TTC9B: variants seen among roughly 807,000 people sequenced by gnomAD.
The protein encoded by TTC9B is tetratricopeptide repeat domain 9B.
In TTC9B, 12 loss-of-function variants were observed where a neutral mutation model predicts 19.4. The ratio of observed to expected loss-of-function variants is 0.62; its 90% CI spans 0.40 to 1.00. The LOEUF (loss-of-function observed/expected upper bound fraction) is 1.00. TTC9B is among the 50% of genes least tolerant of loss of function. The pLI is 0.00. For synonymous variants in TTC9B, 156 were observed against 158.6 expected (o/e 0.98, Z 0.12); for missense variants, 316 against 345.2 (o/e 0.92, Z 0.67).
At position 40,218,030 on chromosome 19, in the gene TTC9B, C is replaced by T. The variant is rs902887295; in HGVS notation, c.352G>A (p.Gly118Arg). The change falls in exon 1 of 3, where the codon GGG becomes AGG. Residue 118 changes from glycine (G) to arginine (R), a missense_variant. Coordinates refer to ENST00000311308, the MANE Select transcript of TTC9B (RefSeq NM_152479.6). This position sits in a 1 kb window ranked among gnomAD's most constrained non-coding sequence, Gnocchi z 4.2. ...APAPGPTSSP[G>R]PARLSEEQRR... ...TGCTCCTCGCTGAGGCGCGCCGGCCCGGGGCTGCTGGTGGGCCCGGGGGCG... is the reference window on the plus strand; with the variant it reads ...TGCTCCTCGCTGAGGCGCGCCGGCCTGGGGCTGCTGGTGGGCCCGGGGGCG... 6.7e-7 allele frequency: 1 copy of T among 1,485,542 alleles called. No homozygotes were observed. The highest frequency in any genetic ancestry group is 2.9e-5 in the East Asian group (1 of 34,000). 92.0% of individuals were successfully genotyped at this position (1,485,542 alleles called of 1,614,324 possible).
In TTC9B at chr19:40,216,241, A is replaced by G. The variant is rs770996334; in HGVS notation, c.642T>C (p.Thr214=). The change falls in exon 3 of 3, where the codon ACT becomes ACC. Residue 214 remains threonine, a synonymous_variant. Coordinates refer to ENST00000311308, the MANE Select transcript of TTC9B (RefSeq NM_152479.6). ...GGCTGCAACGATTCATCTTCAGCTGAGTCAGCTGGATGTAGCGGAGCACAT... is the reference window on the plus strand; with the variant it reads ...GGCTGCAACGATTCATCTTCAGCTGGGTCAGCTGGATGTAGCGGAGCACAT... ...DTNVLRYIQL[T]QLKMNRCSLQ... is the part of the protein sequence containing the mutation. The G allele has an allele frequency of 1.9e-6, 3 of 1,614,170 alleles. No individual in the cohort carries two copies. The highest frequency in any genetic ancestry group is 2.5e-6 in the Non-Finnish European group (3 of 1,180,022).
chr19:40,217,909 T>TTCCC, intron 1 of TTC9B, 46 bp downstream of exon 1: 1 of 1,353,026 alleles, frequency 7.4e-7, no homozygotes. Context: ...CTCTCCCGAT[T>TTCCC]GCCCCCTCCC....
chr19:40,216,963 G>A, intron 2 of TTC9B: 2 of 594,822 alleles, frequency 3.4e-6, no homozygotes, highest in Non-Finnish European at 6.0e-6. Flanking sequence ...GATGTCAGAG[G>A]AGCGATAGGT....
intron 1 of TTC9B, 30 bp downstream of exon 1, chr19:40,217,925 G>GGCCC: frequency 3.1e-6 from 4 of 1,285,382 alleles, no homozygotes; most frequent in Non-Finnish European, 4.1e-6. Flanking sequence ...CTCCCCTCGT[G>GGCCC]CCCCATCCCC....
In TTC9B at chr19:40,217,314, G is replaced by A. The variant is rs1973381783; in HGVS notation, c.483C>T (p.Leu161=). Residue 161 remains leucine, a synonymous_variant, in exon 2 of 3, where the codon CTC becomes CTT. Transcript: ENST00000311308. ...VNYERVREYC[L]KVLEKQQGNF... is the part of the protein sequence containing the mutation. ...TGCCCTGCTGCTTCTCCAGTACCTT[G>A]AGACAGTACTCGCGCACGCGCTCGT... The A allele has an allele frequency of 2.5e-6, 4 of 1,614,030 alleles. No homozygotes were observed. Among genetic ancestry groups the A allele is most frequent in the Middle Eastern group, 1.7e-4 (1 of 6,060 alleles).
At chr19:40,216,615 C>T (rs759698145) in intron 2 of TTC9B, 7 of 362,236 alleles carry the variant, frequency 1.9e-5, no homozygotes, top group Non-Finnish European at 3.1e-5. Flanking sequence ...TCCCACAACC[C>T]TGCACCTGTT....
At position 40,217,948 on chromosome 19, in the gene TTC9B, G is replaced by T; in HGVS notation, c.427+7C>A. 1 of 864,274 alleles carries T rather than the reference G, an allele frequency of 1.2e-6. No individual in the cohort carries two copies. The highest frequency in any genetic ancestry group is 1.5e-6 in the Non-Finnish European group (1 of 655,102). The allele number at this position is 864,274 out of a possible 1,614,324, so 53.5% of individuals were successfully genotyped here. A position where few individuals can be genotyped will look rare whatever the true frequency, so the allele number is the denominator to read the frequency against. On this transcript the variant is annotated splice_region_variant and intron_variant, in intron 1 of 2. Coordinates refer to ENST00000311308, the MANE Select transcript of TTC9B (RefSeq NM_152479.6). ...GTGCCCCATCCCCCCACCCCCCGACGGCGTACCCGTGAGGGAGTCGTAACA... is the reference window on the plus strand; with the variant it reads ...GTGCCCCATCCCCCCACCCCCCGACTGCGTACCCGTGAGGGAGTCGTAACA...
At chr19:40,217,406 C>CTGGCA in intron 1 of TTC9B, 37 bp from the exon 2 acceptor site, 1 of 1,598,250 alleles carries the variant, frequency 6.3e-7, no homozygotes, top group South Asian at 1.1e-5. Flanking sequence ...TCAGAGCCTG[C>CTGGCA]TGGCACCCCC....
At chr19:40,217,453 C>G (rs909839960) in intron 1 of TTC9B, 84 bp from the exon 2 acceptor site, 1 of 1,505,954 alleles carries the variant, frequency 6.6e-7, no homozygotes, top group East Asian at 2.3e-5. Flanking sequence ...AGGCTCCAGG[C>G]GGCAGGGAAC....
chr19:40,218,064 C>A lies in TTC9B; in HGVS notation c.318G>T (p.Leu106=). 1 of 1,527,278 alleles carries A rather than the reference C, an allele frequency of 6.5e-7. No homozygotes were observed. The highest frequency in any genetic ancestry group is 2.1e-5 in the Admixed American group (1 of 47,132). 94.6% of individuals were successfully genotyped at this position (1,527,278 alleles called of 1,614,324 possible). A position where few individuals can be genotyped will look rare whatever the true frequency, so the allele number is the denominator to read the frequency against. ...TGGTGGGCCCGGGGGCGGGGGCGGG[C>A]AGGCCGCTAGGGCGGGCCCCCTGCG... is the stretch of plus-strand genomic sequence containing the variant. ...KAAQGARPSG[L]PAPAPGPTSS... is the part of the protein sequence containing the mutation. The change falls in exon 1 of 3, where the codon CTG becomes CTT. Residue 106 remains leucine, a synonymous_variant. Coordinates refer to ENST00000311308, the MANE Select transcript of TTC9B (RefSeq NM_152479.6). This position sits in a 1 kb window ranked among gnomAD's most constrained non-coding sequence, Gnocchi z 4.2.
Position 40,216,341 on chromosome 19 carries a change from GCTCACACCCCATT to G in TTC9B, c.611-82_611-70del, listed in dbSNP as rs1268171214. On this transcript the variant is annotated intron_variant, in intron 2 of 2. Coordinates refer to ENST00000311308, the MANE Select transcript of TTC9B (RefSeq NM_152479.6). The stretch of plus-strand genomic sequence containing the variant: ...AGCAGGTGACTTCCACACCTCCCTG[GCTCACACCCCATT>G]CTCCGAAGTATCCAGCAGCTCGCTC... 6 of 1,169,584 alleles carry G rather than the reference GCTCACACCCCATT, an allele frequency of 5.1e-6. No homozygotes were observed. In the Admixed American group the frequency reaches 1.0e-4, roughly 20 times the overall value. 72.5% of individuals were successfully genotyped at this position (1,169,584 alleles called of 1,614,324 possible).
chr19:40,217,761 T>G, intron 1 of TTC9B, 194 bp downstream of exon 1: 1 of 560,502 alleles, frequency 1.8e-6, no homozygotes, highest in Non-Finnish European at 3.0e-6. Flanking sequence ...ATTTCCTGCA[T>G]CCCAGCTCCC....
At chr19:40,216,913 T>C (rs1210765739) in intron 2 of TTC9B, 1 of 569,720 alleles carries the variant, frequency 1.8e-6, no homozygotes, top group Admixed American at 3.0e-5. Flanking sequence ...ATAGGAGATA[T>C]CAGATGTGGC....
chr19:40,217,705 G>A (rs557326767), intron 1 of TTC9B: 59 of 518,602 alleles, frequency 1.1e-4, no homozygotes, highest in African/African-American at 9.8e-4. Flanking sequence ...GGGGTGGAAA[G>A]AATGACTCAG....
chr19:40,217,074 C>T, intron 2 of TTC9B, 113 bp downstream of exon 2: 3 of 1,250,046 alleles, frequency 2.4e-6, no homozygotes, highest in East Asian at 2.6e-5. Flanking sequence ...GAAGCAGCTC[C>T]GCGGGAGGAG....
rs750856266 is a variant in TTC9B, at chr19:40,218,295, C to G, written c.87G>C (p.Pro29=). ...GGGAGCCCGAGCCTGGGCCCGAGCC[C>G]GGTGGGGAGAGGGCGGGAGGCGGGC... ...PPRPPPALSP[P]GSGPGSGSRH... Residue 29 remains proline, a synonymous_variant, in exon 1 of 3, where the codon CCG becomes CCC. Coordinates refer to ENST00000311308, the MANE Select transcript of TTC9B (RefSeq NM_152479.6). The surrounding 1 kb of genome is among the most constrained non-coding windows in gnomAD (Gnocchi z 4.2). The G allele has an allele frequency of 2.8e-6, 4 of 1,411,630 alleles. No homozygotes were observed. Among genetic ancestry groups the G allele is most frequent in the African/African-American group, 3.0e-5 (2 of 66,454 alleles). 87.4% of individuals were successfully genotyped at this position (1,411,630 alleles called of 1,614,324 possible).
chr19:40,216,355 C>T (rs1973366748), intron 2 of TTC9B, 83 bp from the exon 3 acceptor site: 3 of 1,018,352 alleles, frequency 2.9e-6, no homozygotes, highest in African/African-American at 1.6e-5. Context: ...ACACCCCATT[C>T]TCCGAAGTAT....
In TTC9B at chr19:40,217,270, C is replaced by T; in HGVS notation, c.527G>A (p.Arg176His). Residue 176 changes from arginine to histidine, a missense_variant, in exon 2 of 3, where the codon CGT (arginine) becomes CAT (histidine). Physicochemically the swap from Arg to His is conservative, Grantham distance 29. Transcript: ENST00000311308. ...KQQGNFKATY[R>H]AGIAFYHLGD... ...CAGGTGGTAGAAGGCAATGCCGGCA[C>T]GGTAGGTGGCCTTGAAGTTGCCCTG... 6.2e-7 allele frequency: 1 copy of T among 1,614,064 alleles called. No homozygotes were observed. The highest frequency in any genetic ancestry group is 8.5e-7 in the Non-Finnish European group (1 of 1,179,948).
intron 2 of TTC9B, 43 bp downstream of exon 2, chr19:40,217,144 G>A: frequency 6.4e-7 from 1 of 1,573,534 alleles, no homozygotes; most frequent in Non-Finnish European, 8.6e-7. Context: ...CCCTTTCCCC[G>A]CCCTGGGCCC....
Sources: gnomAD v4.1 joint callset for allele counts on GRCh38, gnomAD v4.1.1 for gene constraint, Gnocchi (gnomAD v3.1) non-coding constraint, MANE v1.5 for transcripts, NCBI Gene and HGNC (gene_info 2026-07-23, HGNC 2026-07-21) for gene names.